The following USP14 variants were observed in gnomAD, a reference collection of about 807,000 sequenced individuals.
The protein encoded by USP14 is ubiquitin carboxyl-terminal hydrolase 14.
Under a neutral mutation model 76.5 loss-of-function variants are expected in USP14, and 38 were observed. The ratio of observed to expected loss-of-function variants is 0.50; its 90% confidence interval spans 0.38 to 0.65. USP14 has a LOEUF of 0.65. USP14 is among the 30% of genes least tolerant of loss of function. The pLI is 0.00. For synonymous variants in USP14, 192 were observed against 191.7 expected (o/e 1.00, Z -0.01); for missense variants, 467 against 586.5 (o/e 0.80, Z 2.10).
intron 3 of USP14, among the ~76,000 whole-genome samples, chr18:172,527 G>A (rs938509970): frequency 6.6e-6 from 1 of 152,158 alleles, no homozygotes; most frequent in African/African-American, 2.4e-5. Flanking sequence ...AAACAGCACC[G>A]CAAGCTACAG....
Position 158,640 on chromosome 18 carries a change from C to T in USP14, c.-59C>T. 2.7e-6 allele frequency: 4 copies of T among 1,508,282 alleles called. No individual in the cohort carries two copies. Among genetic ancestry groups the T allele is most frequent in the Non-Finnish European group, 2.6e-6 (3 of 1,132,386 alleles). 93.4% of individuals were successfully genotyped at this position (1,508,282 alleles called of 1,614,324 possible). A position where few individuals can be genotyped will look rare whatever the true frequency, so the allele number is the denominator to read the frequency against. On this transcript the variant is annotated 5_prime_UTR_variant, in exon 1 of 16. Coordinates refer to ENST00000261601, the MANE Select transcript of USP14 (RefSeq NM_005151.4). Reference sequence around the variant, plus strand: ...CCGCAGCTGCTCCTGGTCCCCGTCCCTTTGCCGCCCTCGTCAGGCCCAGCT... The same window carrying T: ...CCGCAGCTGCTCCTGGTCCCCGTCCTTTTGCCGCCCTCGTCAGGCCCAGCT...
At chr18:207,936 C>T (rs1270839566) in intron 13 of USP14, among the ~76,000 whole-genome samples, 1 of 151,912 alleles carries the variant, frequency 6.6e-6, no homozygotes. Context: ...GATCTTAAAT[C>T]CTTGACTTTG....
chr18:197,482 C>T (rs1044921372), intron 7 of USP14, 134 bp from the exon 8 acceptor site: 6 of 630,592 alleles, frequency 9.5e-6, no homozygotes, highest in South Asian at 2.2e-5. Context: ...TTTGGAAGAT[C>T]GTATGTCTTA....
chr18:162,105 G>C (rs978037586), intron 1 of USP14, among the ~76,000 whole-genome samples: 7 of 152,136 alleles, frequency 4.6e-5, no homozygotes, highest in Admixed American at 4.6e-4. Context: ...ATATTCCGTT[G>C]TATGTATATA....
intron 2 of USP14, among the ~76,000 whole-genome samples, chr18:165,017 C>T (rs1481097217): frequency 2.6e-5 from 4 of 151,752 alleles, no homozygotes; most frequent in Middle Eastern, 3.2e-3. Flanking sequence ...GGCGCCATCT[C>T]GGCTAACTGC....
intron 8 of USP14, among the ~76,000 whole-genome samples, 168 bp from the exon 9 acceptor site, chr18:197,876 GTAT>G (rs1183160666): frequency 6.6e-6 from 1 of 151,602 alleles, no homozygotes; most frequent in African/African-American, 2.4e-5. Context: ...TAAATTTAAT[GTAT>G]TATTTATTAA....
At chr18:210,792 T>G (rs915941842) in intron 15 of USP14, among the ~76,000 whole-genome samples, 2 of 152,256 alleles carry the variant, frequency 1.3e-5, no homozygotes, top group Non-Finnish European at 2.9e-5. Context: ...TTCTGTTGTC[T>G]GGCTTAAATA....
At position 170,160 on chromosome 18, in the gene USP14, C is replaced by T. The variant is rs150839462; in HGVS notation, c.195+3341C>T. Among the ~76,000 whole-genome samples the T allele has an allele frequency of 6.0e-3, 917 of 152,018 alleles. 5 individuals carry two copies. Among genetic ancestry groups the T allele is most frequent in the African/African-American group, 0.02 (847 of 41,452 alleles). ...CACTAAATAAAAATAGAAAAATAGC[C>T]GGGCGTAGTGGCACATGCCTGTAAT... is the stretch of plus-strand genomic sequence containing the variant. On this transcript the variant is annotated intron_variant, in intron 3 of 15. Coordinates refer to ENST00000261601, the MANE Select transcript of USP14 (RefSeq NM_005151.4).
chr18:161,909 C>T (rs117052953), intron 1 of USP14, among the ~76,000 whole-genome samples: 6 of 152,226 alleles, frequency 3.9e-5, no homozygotes, highest in South Asian at 4.1e-4. Flanking sequence ...ATGATTTTTA[C>T]GTATACAGTT....
intron 8 of USP14, 28 bp downstream of exon 8, chr18:197,724 A>T: frequency 3.2e-6 from 5 of 1,560,612 alleles, no homozygotes; most frequent in Non-Finnish European, 4.4e-6. Flanking sequence ...GTGATTATAG[A>T]CTTTCGTTAT....
intron 1 of USP14, among the ~76,000 whole-genome samples, chr18:162,137 A>G (rs1477533453): frequency 6.6e-6 from 1 of 152,076 alleles, no homozygotes; most frequent in Non-Finnish European, 1.5e-5. Context: ...TTGTCCATTA[A>G]TTGGTTGATG....
intron 3 of USP14, among the ~76,000 whole-genome samples, chr18:177,422 T>TAAAA (rs550087165): frequency 9.2e-6 from 1 of 108,660 alleles, no homozygotes; most frequent in Admixed American, 1.0e-4. Context: ...TCCCTGTCTC[T>TAAAA]AAAAAAAAAA....
Position 212,364 on chromosome 18 carries a change from T to C in USP14, c.*1080T>C, listed in dbSNP as rs1910692119. 1 of 152,372 alleles carries C rather than the reference T, an allele frequency of 6.6e-6. No individual in the cohort carries two copies. Among genetic ancestry groups the C allele is most frequent in the African/African-American group, 2.4e-5 (1 of 41,456 alleles). 9.4% of individuals were successfully genotyped at this position (152,372 alleles called of 1,614,324 possible). A position where few individuals can be genotyped will look rare whatever the true frequency, so the allele number is the denominator to read the frequency against. On this transcript the variant is annotated 3_prime_UTR_variant, in exon 16 of 16. Coordinates refer to ENST00000261601, the MANE Select transcript of USP14 (RefSeq NM_005151.4). ...GCTCACGCCTGTAATCCCAGCACTT[T>C]GGGAGGCTGAGGCAGGTGGTTCACT... is the stretch of plus-strand genomic sequence containing the variant.
chr18:214,498 G>T lies in USP14; in HGVS notation c.*3214G>T. The stretch of plus-strand genomic sequence containing the variant: ...CAATATGTGTTCTATTGTTCTCAGA[G>T]CACCAGCCGACTGTACAACAATTGT... On this transcript the variant is annotated 3_prime_UTR_variant, in exon 16 of 16. Transcript: ENST00000261601. The T allele has an allele frequency of 1.3e-6, 1 of 767,218 alleles. No individual in the cohort carries two copies. Among genetic ancestry groups the T allele is most frequent in the Non-Finnish European group, 2.0e-6 (1 of 490,096 alleles). The allele number at this position is 767,218 out of a possible 1,614,324, so 47.5% of individuals were successfully genotyped here.
chr18:196,910 C>T, intron 7 of USP14, 143 bp downstream of exon 7: 1 of 1,039,406 alleles, frequency 9.6e-7, no homozygotes, highest in Non-Finnish European at 1.4e-6. Context: ...TGGAGCCGCA[C>T]AGTAGTCTTA....
At chr18:188,752 A>G (rs1472067319) in intron 5 of USP14, among the ~76,000 whole-genome samples, 2 of 151,810 alleles carry the variant, frequency 1.3e-5, no homozygotes, top group Non-Finnish European at 2.9e-5. Context: ...ATCTCGGCTC[A>G]CTGCAACCTC....
At chr18:187,337 T>A (rs1366962091) in intron 5 of USP14, among the ~76,000 whole-genome samples, 6 of 152,228 alleles carry the variant, frequency 3.9e-5, no homozygotes, top group Non-Finnish European at 2.9e-5. Context: ...ATTTTAACCA[T>A]CTGGTGTGTA....
intron 3 of USP14, among the ~76,000 whole-genome samples, chr18:178,061 G>A (rs746038298): frequency 5.3e-5 from 8 of 152,032 alleles, no homozygotes; most frequent in Non-Finnish European, 8.8e-5. Flanking sequence ...CCTCTGTCGC[G>A]CAGGCTGGAA....
Position 212,856 on chromosome 18 carries a change from T to A in USP14, c.*1572T>A, listed in dbSNP as rs1910709771. The A allele has an allele frequency of 2.0e-5, 3 of 152,194 alleles. No homozygotes were observed. Among genetic ancestry groups the A allele is most frequent in the Admixed American group, 2.0e-4 (3 of 15,284 alleles). The allele number at this position is 152,194 out of a possible 1,614,324, so 9.4% of individuals were successfully genotyped here. A position where few individuals can be genotyped will look rare whatever the true frequency, so the allele number is the denominator to read the frequency against. ...TTGGGGATTATCATAACATCTCATA[T>A]CTTTGTGTATGTTGTTTTAATGCTC... On this transcript the variant is annotated 3_prime_UTR_variant, in exon 16 of 16. Coordinates refer to ENST00000261601, the MANE Select transcript of USP14 (RefSeq NM_005151.4).
Sources: gnomAD v4.1 joint callset for allele counts (sites outside exome capture counted in the v4.1 genomes callset) on GRCh38, gnomAD v4.1.1 for gene constraint, MANE v1.5 for transcripts, NCBI Gene and HGNC (gene_info 2026-07-23, HGNC 2026-07-21) for gene names.